TEX11: variants seen among roughly 807,000 people sequenced by gnomAD.
TEX11 encodes testis expressed 11, also known as testis-expressed protein 11.
In TEX11, 7 loss-of-function variants were observed where a neutral mutation model predicts 84.4. That is an observed-to-expected ratio of 0.08 (90% CI 0.05 to 0.16). The LOEUF (loss-of-function observed/expected upper bound fraction) is 0.16. TEX11 is among the 10% of genes least tolerant of loss of function. The probability of loss-of-function intolerance (pLI) is 1.00; values close to 1 mark genes in which losing one functional copy is unlikely to be tolerated. For missense variants in TEX11, 551 were observed against 660.5 expected, an observed-to-expected ratio of 0.83 and a Z score of 1.82; for synonymous variants, 264 against 222.8, an observed-to-expected ratio of 1.18 and a Z score of -1.64.
At chrX:70,754,231 G>A (rs954401994) in intron 9 of TEX11, among the ~76,000 whole-genome samples, 1 of 110,176 alleles carries the variant, frequency 9.1e-6, no homozygotes, top group Non-Finnish European at 1.9e-5. Context: ...GTGAGTCCCA[G>A]ACCAGGCAGC....
intron 15 of TEX11, among the ~76,000 whole-genome samples, chrX:70,675,137 A>G (rs1439192242): frequency 9.0e-6 from 1 of 111,414 alleles, no homozygotes; most frequent in East Asian, 2.8e-4. Context: ...GCAGAATACA[A>G]TGTTATTATT....
intron 17 of TEX11, among the ~76,000 whole-genome samples, chrX:70,630,633 ATAAT>A (rs1245028008): frequency 8.9e-6 from 1 of 111,915 alleles, no homozygotes; most frequent in Non-Finnish European, 1.9e-5. Flanking sequence ...CAAACAGAAG[ATAAT>A]TAATAAGATG....
chrX:70,903,173 C>T (rs2091812645), intron 2 of TEX11, among the ~76,000 whole-genome samples: 1 of 107,089 alleles, frequency 9.3e-6, no homozygotes, highest in African/African-American at 3.5e-5. Context: ...TTACAGTTAA[C>T]TTTATTTTTT....
intron 11 of TEX11, among the ~76,000 whole-genome samples, chrX:70,739,376 T>G (rs1202487386): frequency 9.2e-6 from 1 of 108,464 alleles, no homozygotes; most frequent in Non-Finnish European, 1.9e-5. Flanking sequence ...GTAAAACACA[T>G]TGATCCTAAT....
chrX:70,872,102 T>C (rs913081088), intron 4 of TEX11, among the ~76,000 whole-genome samples: 79 of 111,684 alleles, frequency 7.1e-4, no homozygotes, highest in African/African-American at 2.4e-3. Context: ...GCTAAAGCAA[T>C]ACTTCCTCAT....
intron 25 of TEX11, among the ~76,000 whole-genome samples, chrX:70,586,705 A>G (rs894008896): frequency 8.9e-6 from 1 of 112,219 alleles, no homozygotes; most frequent in Admixed American, 9.4e-5. Flanking sequence ...AAATTAAGAT[A>G]CATTTCCTGG....
intron 13 of TEX11, among the ~76,000 whole-genome samples, chrX:70,718,871 T>C (rs896798837): frequency 6.3e-5 from 7 of 111,695 alleles, no homozygotes; most frequent in Admixed American, 4.8e-4. Flanking sequence ...GCTTCAGAGC[T>C]CCCAATAAGT....
intron 8 of TEX11, among the ~76,000 whole-genome samples, chrX:70,830,985 T>C (rs1253246670): frequency 2.7e-5 from 3 of 112,000 alleles, no homozygotes; most frequent in African/African-American, 9.7e-5. Flanking sequence ...ATAAAATAAG[T>C]ATCTTTAAGA....
At chrX:70,788,053 T>G (rs1438567243) in intron 9 of TEX11, among the ~76,000 whole-genome samples, 2 of 110,803 alleles carry the variant, frequency 1.8e-5, no homozygotes, top group Non-Finnish European at 3.8e-5. Context: ...TGTTCATGGA[T>G]TGAAAGAATT....
chrX:70,842,084 C>T (rs2091449135), intron 7 of TEX11, among the ~76,000 whole-genome samples: 1 of 110,709 alleles, frequency 9.0e-6, no homozygotes, highest in Non-Finnish European at 1.9e-5. Context: ...CCTTCTGAAA[C>T]TATTCCAATC....
In TEX11 at chrX:70,842,683, A is replaced by C. The variant is rs192170100; in HGVS notation, c.526-9090T>G. Among the ~76,000 whole-genome samples, 266 of 111,817 alleles carry C rather than the reference A, an allele frequency of 2.4e-3. 3 individuals carry two copies. The highest frequency in any genetic ancestry group is 8.0e-3 in the African/African-American group (246 of 30,828). ...AGGGTATTCAATTAGGAAAAGAGGA[A>C]GTCAAATTGTCCCTGTTTGTAGATG... On this transcript the variant is annotated intron_variant, in intron 7 of 29. Transcript: ENST00000374333.
At chrX:70,592,931 T>C (rs1307851896) in intron 24 of TEX11, among the ~76,000 whole-genome samples, 1 of 110,774 alleles carries the variant, frequency 9.0e-6, no homozygotes, top group Non-Finnish European at 1.9e-5. Context: ...AAGAAAATAA[T>C]AGACCAACTA....
At chrX:70,602,155 C>T (rs957649351) in intron 24 of TEX11, among the ~76,000 whole-genome samples, 5 of 111,872 alleles carry the variant, frequency 4.5e-5, no homozygotes, top group Non-Finnish European at 9.4e-5. Flanking sequence ...GGCGGCTGGC[C>T]GGGCGGGGGG....
intron 8 of TEX11, among the ~76,000 whole-genome samples, chrX:70,811,019 T>C (rs2091249642): frequency 9.0e-6 from 1 of 111,596 alleles, no homozygotes; most frequent in Admixed American, 9.5e-5. Context: ...TTCCAATGAG[T>C]CATTTTTTAA....
chrX:70,530,456 A>G (rs1184679588), intron 28 of TEX11, among the ~76,000 whole-genome samples: 2 of 112,107 alleles, frequency 1.8e-5, no homozygotes, highest in Non-Finnish European at 3.8e-5. Context: ...TTCAGAGTTA[A>G]CGATATCTAC....
At chrX:70,569,679 C>T (rs1194278011) in intron 25 of TEX11, among the ~76,000 whole-genome samples, 2 of 111,731 alleles carry the variant, frequency 1.8e-5, no homozygotes, top group African/African-American at 6.5e-5. Flanking sequence ...CACTCCAGAC[C>T]CTGTTTGCCT....
intron 9 of TEX11, among the ~76,000 whole-genome samples, chrX:70,786,165 T>C (rs1406534892): frequency 1.8e-5 from 2 of 111,545 alleles, no homozygotes; most frequent in East Asian, 5.6e-4. Context: ...TCATGTCCTT[T>C]GTAGGGACAT....
chrX:70,679,259 G>A lies in TEX11; in HGVS notation c.1157-370C>T, dbSNP rs1316590018. On this transcript the variant is annotated intron_variant, in intron 14 of 29. Coordinates refer to ENST00000374333, the MANE Select transcript of TEX11 (RefSeq NM_031276.3). ...CTCCGTGCTCAATGGTGCCCAGGCT[G>A]GAGTGCAGTGGCGTGATCTCGGCTC... is the stretch of plus-strand genomic sequence containing the variant. 3.6e-5 allele frequency among the ~76,000 whole-genome samples: 4 copies of A among 111,779 alleles called. No individual in the cohort carries two copies. The East Asian group carries it at 8.5e-4, about 24-fold the overall frequency.
At chrX:70,700,953 C>G (rs1414355691) in intron 13 of TEX11, among the ~76,000 whole-genome samples, 1 of 112,015 alleles carries the variant, frequency 8.9e-6, no homozygotes, top group African/African-American at 3.2e-5. Context: ...CGTCCTAACT[C>G]TCTTCATTCT....
Sources: gnomAD v4.1 joint callset for allele counts (sites outside exome capture counted in the v4.1 genomes callset) on GRCh38, gnomAD v4.1.1 for gene constraint, MANE v1.5 for transcripts, NCBI Gene and HGNC (gene_info 2026-07-23, HGNC 2026-07-21) for gene names.